The following PRDM16 variants were observed in gnomAD, a reference collection of about 807,000 sequenced individuals.
The protein encoded by PRDM16 is histone-lysine N-methyltransferase PRDM16.
Under a neutral mutation model 110.6 loss-of-function variants are expected in PRDM16, and 23 were observed. The observed-to-expected ratio is 0.21, with a 90% CI of 0.15 to 0.29. The LOEUF is 0.29. Among genes scored for constraint, PRDM16 ranks in the 10% least tolerant of loss-of-function variants. PRDM16 has a pLI of 1.00. For missense variants in PRDM16, 1,615 were observed against 1,794.3 expected (o/e 0.90, Z 1.81); for synonymous variants, 799 against 781.8 (o/e 1.02, Z -0.37).
intron 1 of PRDM16, among the ~76,000 whole-genome samples, chr1:3,095,362 G>A (rs909124698): frequency 2.7e-5 from 4 of 147,198 alleles, no homozygotes; most frequent in Non-Finnish European, 1.5e-5. Flanking sequence ...GCTGGGTGCC[G>A]CTGGGGTGCC....
chr1:3,228,970 T>C (rs1480543108), intron 2 of PRDM16, among the ~76,000 whole-genome samples: 1 of 152,228 alleles, frequency 6.6e-6, no homozygotes, highest in Non-Finnish European at 1.5e-5. Context: ...AGAACAGCTC[T>C]CCCAGCCCTA....
intron 3 of PRDM16, among the ~76,000 whole-genome samples, chr1:3,312,853 CAT>C (rs1016437003): frequency 1.4e-4 from 22 of 152,362 alleles, no homozygotes; most frequent in East Asian, 3.9e-4. Flanking sequence ...GTGATCCTAA[CAT>C]GTGGTGAGAA....
chr1:3,385,367 G>T (rs1213527461), intron 4 of PRDM16, 81 bp downstream of exon 4: 2 of 1,492,972 alleles, frequency 1.3e-6, no homozygotes, highest in East Asian at 2.3e-5. Context: ...TGGAGGTGCC[G>T]AGGCAAGGGT....
intron 1 of PRDM16, among the ~76,000 whole-genome samples, chr1:3,183,758 G>A (rs1173201460): frequency 2.6e-5 from 4 of 152,240 alleles, no homozygotes; most frequent in Admixed American, 6.5e-5. Context: ...AAAAAGCCAT[G>A]TTTTAAACGG....
intron 3 of PRDM16, among the ~76,000 whole-genome samples, chr1:3,279,734 A>T (rs1640669184): frequency 6.6e-6 from 1 of 152,096 alleles, no homozygotes; most frequent in African/African-American, 2.4e-5. Flanking sequence ...GGAAGGCAGG[A>T]CAAAGGGGCC....
chr1:3,234,517 T>C (rs11808635), intron 2 of PRDM16, among the ~76,000 whole-genome samples: 2,387 of 152,202 alleles, frequency 0.016, 74 homozygotes, highest in African/African-American at 0.055. Flanking sequence ...CCGAGACGCC[T>C]GGTCCAGCAA....
rs1363541985 is a variant in PRDM16 at position 3,148,731 on chromosome 1, G to T, written c.38-37394G>T. 2.6e-5 allele frequency among the ~76,000 whole-genome samples: 4 copies of T among 152,224 alleles called. No homozygotes were observed. The highest frequency in any genetic ancestry group is 5.9e-5 in the Non-Finnish European group (4 of 68,036). ...CAAAGCCAAAGGGTGGTGAATCTGG[G>T]CACTGCCTGGGACCATGGGGGGACC... On this transcript the variant is annotated intron_variant, in intron 1 of 16. Coordinates refer to ENST00000270722, the MANE Select transcript of PRDM16 (RefSeq NM_022114.4). The surrounding 1 kb of genome is among the most constrained non-coding windows in gnomAD (Gnocchi z 5.0).
At chr1:3,215,428 G>GCA (rs1156989385) in intron 2 of PRDM16, among the ~76,000 whole-genome samples, 1,244 of 96,224 alleles carry the variant, frequency 0.013, 14 homozygotes, top group African/African-American at 0.089. Flanking sequence ...AAGGCCTATT[G>GCA]GGGTCCAGGA....
intron 3 of PRDM16, among the ~76,000 whole-genome samples, chr1:3,362,533 C>A (rs905824305): frequency 2.0e-5 from 3 of 152,042 alleles, no homozygotes; most frequent in Admixed American, 1.3e-4. Flanking sequence ...CGGGGTCCAC[C>A]AGGCCAGGCT....
At position 3,168,940 on chromosome 1, in the gene PRDM16, C is replaced by A. The variant is rs1033950347; in HGVS notation, c.38-17185C>A. Among the ~76,000 whole-genome samples, 4 of 152,194 alleles carry A rather than the reference C, an allele frequency of 2.6e-5. No individual in the cohort carries two copies. In the East Asian group the frequency reaches 5.8e-4, roughly 22 times the overall value. On this transcript the variant is annotated intron_variant, in intron 1 of 16. Transcript: ENST00000270722. The stretch of plus-strand genomic sequence containing the variant: ...CACACCCCCTCCCACCTGAGCTGAC[C>A]CCTGTGGCCACGCCCAGGGTGCAGG...
At chr1:3,251,884 T>C (rs1446827405) in intron 3 of PRDM16, among the ~76,000 whole-genome samples, 1 of 152,210 alleles carries the variant, frequency 6.6e-6, no homozygotes, top group Non-Finnish European at 1.5e-5. Context: ...GGTTAGCCTC[T>C]TCTGCTTTAA....
chr1:3,112,241 G>A (rs950942745), intron 1 of PRDM16, among the ~76,000 whole-genome samples: 7 of 152,240 alleles, frequency 4.6e-5, no homozygotes, highest in East Asian at 3.9e-4. Flanking sequence ...GAGCCTCGGC[G>A]TTTCACCCGT....
In PRDM16 at chr1:3,114,191, A is replaced by ACGCACACACGCACACGCACGCG. The variant is rs1553127268; in HGVS notation, c.37+44902_37+44903insACGCACACGCACGCGCGCACAC. On this transcript the variant is annotated intron_variant, in intron 1 of 16. Transcript: ENST00000270722. Reference sequence around the variant, plus strand: ...CACACACACGCACACACACGCACACACGCACACGCACGCACACACGCACAC... The same window carrying ACGCACACACGCACACGCACGCG: ...CACACACACGCACACACACGCACACACGCACACACGCACACGCACGCGCGCACACGCACGCACACACGCACAC... 4.6e-5 allele frequency among the ~76,000 whole-genome samples: 6 copies of ACGCACACACGCACACGCACGCG among 131,798 alleles called. 1 individual carries two copies. Among genetic ancestry groups the ACGCACACACGCACACGCACGCG allele is most frequent in the East Asian group, 2.5e-4 (1 of 4,062 alleles). 86.5% of individuals were successfully genotyped at this position (131,798 alleles called of 152,430 possible). A position where few individuals can be genotyped will look rare whatever the true frequency, so the allele number is the denominator to read the frequency against.
chr1:3,324,338 C>T lies in PRDM16; in HGVS notation c.439-60814C>T, dbSNP rs190633815. On this transcript the variant is annotated intron_variant, in intron 3 of 16. Coordinates refer to ENST00000270722, the MANE Select transcript of PRDM16 (RefSeq NM_022114.4). ...TGAGGCCACCTTTGCCACCCTGCCC[C>T]GCCTGCCAGTCCTGGCCATCTTGAC... Among the ~76,000 whole-genome samples, 333 of 152,256 alleles carry T rather than the reference C, an allele frequency of 2.2e-3. 1 individual carries two copies. The highest frequency in any genetic ancestry group is 3.6e-3 in the Non-Finnish European group (243 of 68,000).
rs1208336489 is a variant in PRDM16 at position 3,434,034 on chromosome 1, C to G, written c.*223C>G. 1.9e-6 allele frequency: 1 copy of G among 540,372 alleles called. No individual in the cohort carries two copies. Among genetic ancestry groups the G allele is most frequent in the East Asian group, 3.2e-5 (1 of 31,340 alleles). The allele number at this position is 540,372 out of a possible 1,614,324, so 33.5% of individuals were successfully genotyped here. A position where few individuals can be genotyped will look rare whatever the true frequency, so the allele number is the denominator to read the frequency against. On this transcript the variant is annotated 3_prime_UTR_variant, in exon 17 of 17. Coordinates refer to ENST00000270722, the MANE Select transcript of PRDM16 (RefSeq NM_022114.4). ...TCTCCAAGGATTGGTCTTGAGAACA[C>G]TGTTCAGTGACGGCCATGCAGGTGG...
chr1:3,179,973 A>C (rs1266583595), intron 1 of PRDM16, among the ~76,000 whole-genome samples: 1 of 150,046 alleles, frequency 6.7e-6, no homozygotes, highest in Non-Finnish European at 1.5e-5. Context: ...AACGAATGAC[A>C]AGGTTCTTGG....
At chr1:3,397,248 C>T (rs1008163840) in intron 5 of PRDM16, among the ~76,000 whole-genome samples, 3 of 152,226 alleles carry the variant, frequency 2.0e-5, no homozygotes, top group Admixed American at 1.3e-4. Context: ...GGAGTCGCCC[C>T]GCTCTTCCAG....
intron 3 of PRDM16, among the ~76,000 whole-genome samples, chr1:3,362,825 G>A (rs954666484): frequency 6.6e-6 from 1 of 152,128 alleles, no homozygotes; most frequent in Non-Finnish European, 1.5e-5. Context: ...AGGGAGCGTC[G>A]GGGAGCCATA....
chr1:3,417,612 G>A (rs374243019), intron 10 of PRDM16, among the ~76,000 whole-genome samples: 2 of 152,312 alleles, frequency 1.3e-5, no homozygotes, highest in African/African-American at 4.8e-5. Context: ...AACTACAAAC[G>A]AGGGACTGGG....
Sources: allele counts gnomAD v4.1 joint callset (sites outside exome capture counted in the v4.1 genomes callset), GRCh38; gene constraint gnomAD v4.1.1; non-coding constraint Gnocchi (gnomAD v3.1); transcripts MANE v1.5; gene names NCBI Gene and HGNC (gene_info 2026-07-23, HGNC 2026-07-21).